Variants in DZIP1 observed in about 807,000 individuals in gnomAD.
DZIP1 encodes cilium assembly protein DZIP1.
In DZIP1, 97 loss-of-function variants were observed where a neutral mutation model predicts 107.6. The observed-to-expected ratio is 0.90, with a 90% confidence interval of 0.77 to 1.07. The LOEUF (loss-of-function observed/expected upper bound fraction) is 1.07, where lower values mean the gene tolerates loss of function less well. DZIP1 is among the 50% of genes least tolerant of loss of function. The pLI, the probability that DZIP1 is intolerant of heterozygous loss-of-function variation, is 0.00. For missense variants in DZIP1, 1,035 were observed against 1,063.6 expected (o/e 0.97, Z 0.37); for synonymous variants, 390 against 386.4 (o/e 1.01, Z -0.11).
chr13:95,617,255 T>C (rs927372049), intron 10 of DZIP1, among the ~76,000 whole-genome samples: 6 of 151,012 alleles, frequency 4.0e-5, no homozygotes, highest in African/African-American at 1.5e-4. Flanking sequence ...AGCGGGAGAA[T>C]GAAAGCAAGA....
At chr13:95,620,435 G>T (rs1028287382) in intron 9 of DZIP1, among the ~76,000 whole-genome samples, 6 of 152,112 alleles carry the variant, frequency 3.9e-5, no homozygotes, top group Admixed American at 3.9e-4. Flanking sequence ...AATACAGCTG[G>T]TATTTTTTAG....
At chr13:95,599,674 A>C (rs1283164577) in intron 14 of DZIP1, among the ~76,000 whole-genome samples, 1 of 152,206 alleles carries the variant, frequency 6.6e-6, no homozygotes, top group Non-Finnish European at 1.5e-5. Flanking sequence ...ATTAAGTTAA[A>C]GTTTCTCATT....
chr13:95,635,484 A>C (rs1437508026), intron 5 of DZIP1, among the ~76,000 whole-genome samples: 1 of 152,168 alleles, frequency 6.6e-6, no homozygotes, highest in Non-Finnish European at 1.5e-5. Context: ...GGTGTAACCC[A>C]CGGTGCCCAG....
In DZIP1 at chr13:95,587,591, G is replaced by A. The variant is rs772020920; in HGVS notation, c.2166C>T (p.Asp722=). ...CCTCGATTTCGCTTCCCTCGGTCCC[G>A]TCCGCGTCACTTTTCACTGTGTTCT... ...FGKNTVKSDA[D]GTEGSEIEDT... The change falls in exon 20 of 23, where the codon GAC becomes GAT. Residue 722 remains aspartate, a synonymous_variant. Coordinates refer to ENST00000376829, the MANE Select transcript of DZIP1 (RefSeq NM_198968.4). 67 of 1,613,860 alleles carry A rather than the reference G, an allele frequency of 4.2e-5. No individual in the cohort carries two copies. Among genetic ancestry groups the A allele is most frequent in the Admixed American group, 1.3e-4 (8 of 59,972 alleles).
At chr13:95,605,594 A>C (rs1023160657) in intron 14 of DZIP1, among the ~76,000 whole-genome samples, 3 of 152,210 alleles carry the variant, frequency 2.0e-5, no homozygotes, top group Non-Finnish European at 2.9e-5. Flanking sequence ...TTGTTTAGAA[A>C]AGGTGACTTG....
At position 95,585,365 on chromosome 13, in the gene DZIP1, T is replaced by C. The variant is rs189596957; in HGVS notation, c.2350-455A>G. Among the ~76,000 whole-genome samples the C allele has an allele frequency of 9.8e-5, 15 of 152,358 alleles. No individual in the cohort carries two copies. The East Asian group carries it at 2.9e-3, about 29-fold the overall frequency. On this transcript the variant is annotated intron_variant, in intron 21 of 22. Transcript: ENST00000376829. Reference sequence around the variant, plus strand: ...TGCCCTTCCTAAAGAAAGATGCTTTTGCTCTCTCTTGAATGTCATAGGACT... The same window carrying C: ...TGCCCTTCCTAAAGAAAGATGCTTTCGCTCTCTCTTGAATGTCATAGGACT...
At chr13:95,644,242 CG>C (rs1259659942) in intron 1 of DZIP1, 134 bp downstream of exon 1, 2 of 152,396 alleles carry the variant, frequency 1.3e-5, no homozygotes, top group African/African-American at 4.8e-5. Flanking sequence ...GTGGGGGCAG[CG>C]GCGGCTACTC....
rs769316982 is a variant in DZIP1, at chr13:95,619,902, T to C, written c.1156A>G (p.Lys386Glu). ...ARVQAIHQEH[K>E]KEKGRLLSHI... ...AACCTTACCCGACCCTTCTCTTTCTTGTGTTCTTGATGAATAGCTTGAACT... is the reference window on the plus strand; with the variant it reads ...AACCTTACCCGACCCTTCTCTTTCTCGTGTTCTTGATGAATAGCTTGAACT... The change falls in exon 10 of 23, where the codon AAG becomes GAG. Residue 386 changes from lysine to glutamate, a missense_variant. By Grantham distance (56) the Lys-to-Glu change is moderately conservative. Coordinates refer to ENST00000376829, the MANE Select transcript of DZIP1 (RefSeq NM_198968.4). The C allele has an allele frequency of 1.4e-5, 23 of 1,613,948 alleles. No homozygotes were observed. The highest frequency in any genetic ancestry group is 1.9e-5 in the Non-Finnish European group (23 of 1,179,968).
intron 14 of DZIP1, among the ~76,000 whole-genome samples, chr13:95,603,012 T>C (rs1444776185): frequency 6.6e-6 from 1 of 152,116 alleles, no homozygotes; most frequent in Non-Finnish European, 1.5e-5. Context: ...TAATAATAAT[T>C]GTAAAGTCTA....
intron 7 of DZIP1, among the ~76,000 whole-genome samples, chr13:95,629,374 A>T (rs1263525034): frequency 6.6e-6 from 1 of 152,232 alleles, no homozygotes; most frequent in Non-Finnish European, 1.5e-5. Context: ...TGAACAAGTC[A>T]TTCCAAGCAC....
chr13:95,630,066 C>G lies in DZIP1; in HGVS notation c.733G>C (p.Val245Leu), dbSNP rs200033665. 1.9e-6 allele frequency: 3 copies of G among 1,613,784 alleles called. No homozygotes were observed. Among genetic ancestry groups the G allele is most frequent in the East Asian group, 4.5e-5 (2 of 44,866 alleles). The change falls in exon 7 of 23, where the codon GTA (valine) becomes CTA (leucine). Residue 245 changes from valine to leucine, a missense_variant. Coordinates refer to ENST00000376829, the MANE Select transcript of DZIP1 (RefSeq NM_198968.4). ...GTGAGCTGCAGCTCTTCCTTCAATA[C>G]GACGATCTCACTCCGGAGCTTCTCA... ...QIEKLRSEIV[V>L]LKEELQLTRS... is the part of the protein sequence containing the mutation.
Position 95,586,148 on chromosome 13 carries a change from A to G in DZIP1, c.2219-12T>C, listed in dbSNP as rs200036360. On this transcript the variant is annotated splice_polypyrimidine_tract_variant and intron_variant, in intron 20 of 22. Transcript: ENST00000376829. ...TTTAACGGCGACTCCTATAAGATCA[A>G]TAAAAATTAGGCAAGTTAAGTATTT... is the stretch of plus-strand genomic sequence containing the variant. 4 of 1,578,978 alleles carry G rather than the reference A, an allele frequency of 2.5e-6. No individual in the cohort carries two copies. In the East Asian group the frequency reaches 9.1e-5, roughly 36 times the overall value.
At chr13:95,619,651 C>A in intron 10 of DZIP1, among the ~76,000 whole-genome samples, 1 of 146,658 alleles carries the variant, frequency 6.8e-6, no homozygotes, top group African/African-American at 2.5e-5. Flanking sequence ...AAAAATTTGT[C>A]ACAGAATTTT....
At chr13:95,605,422 A>G (rs558697847) in intron 14 of DZIP1, among the ~76,000 whole-genome samples, 3 of 152,248 alleles carry the variant, frequency 2.0e-5, no homozygotes, top group African/African-American at 4.8e-5. Flanking sequence ...GGCTACAAAT[A>G]TTCAGCCCAT....
chr13:95,630,962 G>A (rs543696878), intron 6 of DZIP1: 1 of 298,306 alleles, frequency 3.4e-6, no homozygotes, highest in South Asian at 2.7e-5. Context: ...CCAAAATATT[G>A]CTAAATTTTA....
chr13:95,583,832 T>G (rs2044071493), intron 22 of DZIP1, among the ~76,000 whole-genome samples: 1 of 151,876 alleles, frequency 6.6e-6, no homozygotes, highest in African/African-American at 2.4e-5. Context: ...TTTTTAAAAA[T>G]AATATAAAAG....
At chr13:95,599,629 TTAAC>T (rs1413120167) in intron 14 of DZIP1, among the ~76,000 whole-genome samples, 4 of 152,216 alleles carry the variant, frequency 2.6e-5, no homozygotes, top group Non-Finnish European at 5.9e-5. Context: ...GTACTTTCCA[TTAAC>T]TACACTCTAC....
intron 7 of DZIP1, among the ~76,000 whole-genome samples, chr13:95,627,238 T>A (rs1458945517): frequency 6.6e-6 from 1 of 152,198 alleles, no homozygotes; most frequent in African/African-American, 2.4e-5. Flanking sequence ...TCAACAAGGA[T>A]GTTAGGAACA....
In DZIP1 at chr13:95,587,536, C is replaced by A. The variant is rs1056973963; in HGVS notation, c.2218+3G>T. 1 of 1,613,490 alleles carries A rather than the reference C, an allele frequency of 6.2e-7. No individual in the cohort carries two copies. The highest frequency in any genetic ancestry group is 1.1e-5 in the South Asian group (1 of 91,018). On this transcript the variant is annotated splice_donor_region_variant and intron_variant, in intron 20 of 22. Coordinates refer to ENST00000376829, the MANE Select transcript of DZIP1 (RefSeq NM_198968.4). The stretch of plus-strand genomic sequence containing the variant: ...CAGAGAGTTTTCCAAGGTAACAGCT[C>A]ACCTGCGGGCTTGGGAGAATCATCA...
Sources: gnomAD v4.1 joint callset for allele counts (sites outside exome capture counted in the v4.1 genomes callset) on GRCh38, gnomAD v4.1.1 for gene constraint, MANE v1.5 for transcripts, NCBI Gene and HGNC (gene_info 2026-07-23, HGNC 2026-07-21) for gene names.